GOLGA3: variants seen among roughly 807,000 people sequenced by gnomAD.
GOLGA3 encodes the protein golgin subfamily A member 3.
In GOLGA3, 75 loss-of-function variants were observed where a neutral mutation model predicts 169.4. The observed-to-expected ratio is 0.44, with a 90% CI of 0.37 to 0.54. The LOEUF (loss-of-function observed/expected upper bound fraction) is 0.54. Among genes scored for constraint, GOLGA3 ranks in the 20% least tolerant of loss-of-function variants. GOLGA3 has a pLI of 0.00. For missense variants in GOLGA3, 1,899 were observed against 1,930.0 expected (o/e 0.98, Z 0.30); for synonymous variants, 824 against 822.4 (o/e 1.00, Z -0.03).
At position 132,769,964 on chromosome 12, in the gene GOLGA3, G is replaced by C. The variant is rs1320055718; in HGVS notation, c.*3141C>G. On this transcript the variant is annotated 3_prime_UTR_variant, in exon 24 of 24. Coordinates refer to ENST00000450791, the MANE Select transcript of GOLGA3 (RefSeq NM_001389683.1). ...AAAAATCCAACTGCAGCCGGGGGCG[G>C]TGGTTCACGCCTATAATTCCAGCAC... 3.3e-5 allele frequency: 5 copies of C among 152,192 alleles called. No individual in the cohort carries two copies. The highest frequency in any genetic ancestry group is 3.3e-4 in the Admixed American group (5 of 15,280). The allele number at this position is 152,192 out of a possible 1,614,324, so 9.4% of individuals were successfully genotyped here. A position where few individuals can be genotyped will look rare whatever the true frequency, so the allele number is the denominator to read the frequency against.
At chr12:132,810,805 C>G (rs1949667067) in intron 4 of GOLGA3, among the ~76,000 whole-genome samples, 1 of 152,208 alleles carries the variant, frequency 6.6e-6, no homozygotes, top group Admixed American at 6.5e-5. Flanking sequence ...TGTGGAGGGC[C>G]TGACGTCAGT....
intron 16 of GOLGA3, 56 bp from the exon 17 acceptor site, chr12:132,782,549 T>A: frequency 7.4e-7 from 1 of 1,358,156 alleles, no homozygotes; most frequent in Non-Finnish European, 1.1e-6. Flanking sequence ...GGAGTTCACA[T>A]ACCCCAGAAA....
rs535866073 is a variant in GOLGA3, at chr12:132,771,590, C to G, written c.*1515G>C. ...CACCTGGGAGAGCACAGCCACCTTC[C>G]TCACGGTGCCTGCCTGTCTCTTCCG... On this transcript the variant is annotated 3_prime_UTR_variant, in exon 24 of 24. Coordinates refer to ENST00000450791, the MANE Select transcript of GOLGA3 (RefSeq NM_001389683.1). 6.6e-6 allele frequency: 1 copy of G among 152,082 alleles called. No homozygotes were observed. 9.4% of individuals were successfully genotyped at this position (152,082 alleles called of 1,614,324 possible). A position where few individuals can be genotyped will look rare whatever the true frequency, so the allele number is the denominator to read the frequency against.
intron 4 of GOLGA3, among the ~76,000 whole-genome samples, chr12:132,809,137 C>T (rs1309594040): frequency 1.3e-5 from 2 of 152,158 alleles, no homozygotes; most frequent in African/African-American, 2.4e-5. Flanking sequence ...GCCTGGCAAC[C>T]AAGGCAGAGA....
Position 132,796,153 on chromosome 12 carries a change from A to G in GOLGA3, c.2168T>C (p.Met723Thr), listed in dbSNP as rs1279725741. The change falls in exon 11 of 24, where the codon ATG becomes ACG. Residue 723 changes from methionine to threonine, a missense_variant. Met to Thr is a moderately conservative substitution (Grantham distance 81). Coordinates refer to ENST00000450791, the MANE Select transcript of GOLGA3 (RefSeq NM_001389683.1). ...EALQQEHLDL[M>T]KQLTLTQEAL... Reference sequence around the variant, plus strand: ...CTCCTGAGTCAAGGTGAGCTGTTTCATCAGGTCCAGGTGCTCCTGCTGCAA... The same window carrying G: ...CTCCTGAGTCAAGGTGAGCTGTTTCGTCAGGTCCAGGTGCTCCTGCTGCAA... 1.9e-6 allele frequency: 3 copies of G among 1,610,024 alleles called. No homozygotes were observed. Among genetic ancestry groups the G allele is most frequent in the South Asian group, 1.1e-5 (1 of 91,042 alleles).
At chr12:132,774,643 G>A in intron 22 of GOLGA3, 1 of 421,152 alleles carries the variant, frequency 2.4e-6, no homozygotes, top group Non-Finnish European at 4.2e-6. Context: ...AGACCTTGAT[G>A]TGGAATTTCC....
intron 1 of GOLGA3, chr12:132,826,079 ACAGTGGGCGAGTG>A (rs1950402346): frequency 7.0e-7 from 1 of 1,436,856 alleles, no homozygotes; most frequent in African/African-American, 1.4e-5. Context: ...TGACATCGTC[ACAGTGGGCGAGTG>A]CCGGCCTTGC....
At chr12:132,813,666 G>A (rs1357419432) in intron 3 of GOLGA3, among the ~76,000 whole-genome samples, 1 of 151,326 alleles carries the variant, frequency 6.6e-6, no homozygotes, top group Non-Finnish European at 1.5e-5. Flanking sequence ...ATCCCATGAT[G>A]AGTACACCCC....
At chr12:132,788,965 C>T (rs572402782) in intron 13 of GOLGA3, 62 bp downstream of exon 13, 200 of 1,465,492 alleles carry the variant, frequency 1.4e-4, no homozygotes, top group Middle Eastern at 1.1e-3. Flanking sequence ...AGGCCCCACC[C>T]TCCCGACAAG....
In GOLGA3 at chr12:132,782,286, G is replaced by C; in HGVS notation, c.3465+10C>G. 1 of 1,610,102 alleles carries C rather than the reference G, an allele frequency of 6.2e-7. No individual in the cohort carries two copies. Among genetic ancestry groups the C allele is most frequent in the Non-Finnish European group, 8.5e-7 (1 of 1,176,776 alleles). ...ACCGTTGCTGGCGTGAGTTTGACGA[G>C]TTTGAATACCTGAAGGTTCAACTGG... On this transcript the variant is annotated intron_variant, in intron 17 of 23. Coordinates refer to ENST00000450791, the MANE Select transcript of GOLGA3 (RefSeq NM_001389683.1).
rs532038952 is a variant in GOLGA3 at position 132,773,133 on chromosome 12, C to G, written c.4469G>C (p.Arg1490Thr). ...CTCTCCCGGCCCTTCTTTGGAAGCCCTGCTCTGACTGTGTCTCTGTGGGTC... is the reference window on the plus strand; with the variant it reads ...CTCTCCCGGCCCTTCTTTGGAAGCCGTGCTCTGACTGTGTCTCTGTGGGTC... ...RGDPQRHSQS[R>T]ASKEGPGE Residue 1490 changes from arginine (R) to threonine (T), a missense_variant, in exon 24 of 24, where the codon AGG becomes ACG. By Grantham distance (71) the Arg-to-Thr change is moderately conservative. Transcript: ENST00000450791. The G allele has an allele frequency of 3.2e-6, 5 of 1,586,626 alleles. No individual in the cohort carries two copies. In the East Asian group the frequency reaches 1.2e-4, roughly 37 times the overall value.
Position 132,777,611 on chromosome 12 carries a change from C to T in GOLGA3, c.3722+55G>A. On this transcript the variant is annotated intron_variant, in intron 19 of 23. Coordinates refer to ENST00000450791, the MANE Select transcript of GOLGA3 (RefSeq NM_001389683.1). This position sits in a 1 kb window ranked among gnomAD's most constrained non-coding sequence, Gnocchi z 4.7. ...GCTGTGCTGAAGGTGTGAATTAGAC[C>T]CCGCCCATTGCCAGGACAGCCATGT... is the stretch of plus-strand genomic sequence containing the variant. 6.3e-7 allele frequency: 1 copy of T among 1,599,446 alleles called. No individual in the cohort carries two copies.
chr12:132,827,100 T>C (rs1049952727), intron 1 of GOLGA3, among the ~76,000 whole-genome samples: 19 of 152,208 alleles, frequency 1.2e-4, no homozygotes. Context: ...CAGGACTTTC[T>C]GCTTCCCCCA....
At chr12:132,807,500 A>G (rs899056505) in intron 5 of GOLGA3, among the ~76,000 whole-genome samples, 1 of 152,258 alleles carries the variant, frequency 6.6e-6, no homozygotes, top group Non-Finnish European at 1.5e-5. Flanking sequence ...ACTGTTACAG[A>G]AACATGAGAC....
rs1443231523 is a variant in GOLGA3, at chr12:132,770,990, A to G, written c.*2115T>C. The G allele has an allele frequency of 1.3e-5, 2 of 152,648 alleles. No homozygotes were observed. The highest frequency in any genetic ancestry group is 2.9e-5 in the Non-Finnish European group (2 of 68,048). 9.5% of individuals were successfully genotyped at this position (152,648 alleles called of 1,614,324 possible). A position where few individuals can be genotyped will look rare whatever the true frequency, so the allele number is the denominator to read the frequency against. On this transcript the variant is annotated 3_prime_UTR_variant, in exon 24 of 24. Coordinates refer to ENST00000450791, the MANE Select transcript of GOLGA3 (RefSeq NM_001389683.1). ...GGGTAGTACAGCCAAAATAAATAAG[A>G]ACGTAAATTGCCGTATTTTTTTTTC...
intron 13 of GOLGA3, 71 bp downstream of exon 13, chr12:132,788,956 G>GGCCCCGCCCCAGACACAA: frequency 1.8e-5 from 9 of 493,228 alleles, no homozygotes; most frequent in South Asian, 1.3e-4. Context: ...CCCAGACACA[G>GGCCCCGCCCCAGACACAA]GCCCCACCCT....
intron 18 of GOLGA3, among the ~76,000 whole-genome samples, chr12:132,778,683 T>G (rs1267587711): frequency 1.3e-5 from 2 of 150,680 alleles, no homozygotes; most frequent in Non-Finnish European, 3.0e-5. Context: ...GGTCATCAGG[T>G]CAGGAGATTG....
chr12:132,807,093 C>T, intron 6 of GOLGA3, 84 bp downstream of exon 6: 5 of 764,452 alleles, frequency 6.5e-6, no homozygotes, highest in Non-Finnish European at 6.6e-6. Flanking sequence ...CCAACCACAT[C>T]TGTGAAACCT....
chr12:132,813,914 C>A (rs1389277595), intron 3 of GOLGA3, among the ~76,000 whole-genome samples: 2 of 151,544 alleles, frequency 1.3e-5, no homozygotes, highest in Non-Finnish European at 2.9e-5. Flanking sequence ...TTAGTAGAGA[C>A]GGGGTTTCAC....
Sources: allele counts gnomAD v4.1 joint callset (sites outside exome capture counted in the v4.1 genomes callset), GRCh38; gene constraint gnomAD v4.1.1; non-coding constraint Gnocchi (gnomAD v3.1); transcripts MANE v1.5; gene names NCBI Gene and HGNC (gene_info 2026-07-23, HGNC 2026-07-21).